The following USP34 variants were observed in gnomAD, a reference collection of about 807,000 sequenced individuals.
USP34 encodes ubiquitin specific peptidase 34.
USP34 carries 70 observed loss-of-function variants against 460.3 expected under a neutral mutation model. That is an observed-to-expected ratio of 0.15 (90% CI 0.13 to 0.19). The LOEUF is 0.19. Ranked by LOEUF, USP34 falls within the 10% of genes least tolerant of loss-of-function variation. The pLI, the probability that USP34 is intolerant of heterozygous loss-of-function variation, is 1.00. For synonymous variants in USP34, 1,647 were observed against 1,405.3 expected (o/e 1.17, Z -3.85); for missense variants, 3,985 against 4,236.2 (o/e 0.94, Z 1.65).
At position 61,301,335 on chromosome 2, in the gene USP34, C is replaced by A. The variant is rs184965843; in HGVS notation, c.3918+19G>T. On this transcript the variant is annotated intron_variant, in intron 28 of 79. Transcript: ENST00000398571. ...TATAAACAGATCATTAAAACTCAAA[C>A]CACGTTTTATATATGTACCTGCATA... 2.7e-3 allele frequency: 4,363 copies of A among 1,608,028 alleles called. 6 individuals are homozygous for A. The highest frequency in any genetic ancestry group is 3.4e-3 in the Non-Finnish European group (3,987 of 1,177,084).
intron 44 of USP34, among the ~76,000 whole-genome samples, chr2:61,259,441 G>A (rs1688812431): frequency 6.6e-6 from 1 of 151,592 alleles, no homozygotes; most frequent in Non-Finnish European, 1.5e-5. Flanking sequence ...AGACTCGAGT[G>A]CAGTAGTGAG....
intron 1 of USP34, among the ~76,000 whole-genome samples, chr2:61,452,382 T>C (rs1339754908): frequency 7.2e-6 from 1 of 139,080 alleles, no homozygotes; most frequent in African/African-American, 2.7e-5. Context: ...TAGAGTGTAG[T>C]GGCGCGATCT....
At chr2:61,328,607 G>A (rs1304825708) in intron 20 of USP34, among the ~76,000 whole-genome samples, 1 of 152,128 alleles carries the variant, frequency 6.6e-6, no homozygotes, top group South Asian at 2.1e-4. Flanking sequence ...AGCCAACAAG[G>A]CAGATTGAAA....
chr2:61,301,879 A>T (rs760924130), intron 27 of USP34, among the ~76,000 whole-genome samples: 50 of 152,102 alleles, frequency 3.3e-4, no homozygotes, highest in Non-Finnish European at 6.0e-4. Context: ...ACTCTCCTTT[A>T]TCTTTCTTTA....
chr2:61,409,641 G>T (rs964259308), intron 2 of USP34, among the ~76,000 whole-genome samples: 7 of 152,080 alleles, frequency 4.6e-5, no homozygotes, highest in Non-Finnish European at 7.4e-5. Context: ...TTGAACCCAG[G>T]AAGCAGAGGT....
chr2:61,285,969 G>A (rs1201851364), intron 34 of USP34, among the ~76,000 whole-genome samples: 1 of 152,178 alleles, frequency 6.6e-6, no homozygotes, highest in Non-Finnish European at 1.5e-5. Flanking sequence ...CTAAGGCACT[G>A]TTTCTGCACT....
intron 1 of USP34, among the ~76,000 whole-genome samples, chr2:61,451,901 C>T (rs1695288712): frequency 6.6e-6 from 1 of 151,826 alleles, no homozygotes; most frequent in Non-Finnish European, 1.5e-5. Context: ...GAAAGCCGGG[C>T]GCAGTGGCTC....
intron 35 of USP34, among the ~76,000 whole-genome samples, chr2:61,284,530 A>T (rs1230511595): frequency 6.6e-6 from 1 of 152,220 alleles, no homozygotes; most frequent in Non-Finnish European, 1.5e-5. Flanking sequence ...ATAACATATC[A>T]ATGTTAAATT....
intron 18 of USP34, among the ~76,000 whole-genome samples, chr2:61,337,384 C>T (rs1691454158): frequency 1.4e-5 from 2 of 142,642 alleles, no homozygotes. Context: ...GAATAGTCCA[C>T]AATTATCCTT....
intron 7 of USP34, among the ~76,000 whole-genome samples, chr2:61,379,192 G>A (rs942346051): frequency 2.6e-5 from 4 of 152,104 alleles, no homozygotes; most frequent in Non-Finnish European, 5.9e-5. Flanking sequence ...CACATTTTCA[G>A]TGTGACTACA....
At chr2:61,457,668 G>C (rs1159201653) in intron 1 of USP34, among the ~76,000 whole-genome samples, 3 of 152,144 alleles carry the variant, frequency 2.0e-5, no homozygotes, top group Admixed American at 2.0e-4. Context: ...TTCAAGAGCA[G>C]CTTGGGAAAT....
intron 10 of USP34, among the ~76,000 whole-genome samples, chr2:61,352,190 T>G (rs1691960896): frequency 6.6e-6 from 1 of 152,136 alleles, no homozygotes; most frequent in Admixed American, 6.5e-5. Context: ...CAGTTCAAAT[T>G]TTAGAGTTTT....
rs1181257248 is a variant in USP34, at chr2:61,464,651, A to T, written c.43+5999T>A. Among the ~76,000 whole-genome samples, 4 of 134,342 alleles carry T rather than the reference A, an allele frequency of 3.0e-5. No individual in the cohort carries two copies. In the East Asian group the frequency reaches 1.0e-3, roughly 34 times the overall value. The allele number at this position is 134,342 out of a possible 152,430, so 88.1% of individuals were successfully genotyped here. A position where few individuals can be genotyped will look rare whatever the true frequency, so the allele number is the denominator to read the frequency against. ...TCACGCCTGTAGTCCCAGGAGGCGG[A>T]GGTTGCAGTGAGCCCAAGATCGCAC... On this transcript the variant is annotated intron_variant, in intron 1 of 79. Coordinates refer to ENST00000398571, the MANE Select transcript of USP34 (RefSeq NM_014709.4).
At chr2:61,308,790 C>T (rs372499295) in intron 27 of USP34, among the ~76,000 whole-genome samples, 25 of 152,194 alleles carry the variant, frequency 1.6e-4, no homozygotes, top group South Asian at 4.2e-4. Context: ...TCTGTAATAC[C>T]AGCACTTTGG....
At chr2:61,337,899 T>C (rs888657936) in intron 18 of USP34, among the ~76,000 whole-genome samples, 2 of 152,230 alleles carry the variant, frequency 1.3e-5, no homozygotes, top group Admixed American at 6.5e-5. Context: ...GTACAAATTA[T>C]TGAACCACTT....
intron 57 of USP34, among the ~76,000 whole-genome samples, chr2:61,234,532 G>C (rs564236046): frequency 1.3e-5 from 2 of 152,316 alleles, no homozygotes; most frequent in South Asian, 4.1e-4. Context: ...GGAAGTGACA[G>C]ATGATGTTAA....
intron 1 of USP34, among the ~76,000 whole-genome samples, chr2:61,432,542 G>A (rs1399963191): frequency 6.6e-6 from 1 of 151,830 alleles, no homozygotes; most frequent in Non-Finnish European, 1.5e-5. Context: ...TATTCAGGAG[G>A]CTGAGGTGAG....
chr2:61,257,348 C>T lies in USP34; in HGVS notation c.5847G>A (p.Glu1949=), dbSNP rs747553128. ...ELQKMFTYLM[E]SECKAYNPRP... is the part of the protein sequence containing the mutation. ...TAGGATTATATGCTTTGCATTCACT[C>T]TCCTGCAAATAAAAAGGGGAACATT... Residue 1949 remains glutamate (E), a splice_region_variant and synonymous_variant, in exon 45 of 80, where the codon GAG becomes GAA. Transcript: ENST00000398571. 4 of 1,568,020 alleles carry T rather than the reference C, an allele frequency of 2.6e-6. No homozygotes were observed. The highest frequency in any genetic ancestry group is 2.6e-6 in the Non-Finnish European group (3 of 1,160,886).
chr2:61,193,631 CCT>C (rs1295983390), intron 75 of USP34, among the ~76,000 whole-genome samples: 1 of 152,178 alleles, frequency 6.6e-6, no homozygotes, highest in Admixed American at 6.5e-5. Context: ...GTGCCCCTAT[CCT>C]CTGTCATCCT....
Sources: gnomAD v4.1 joint callset for allele counts (sites outside exome capture counted in the v4.1 genomes callset) on GRCh38, gnomAD v4.1.1 for gene constraint, MANE v1.5 for transcripts, NCBI Gene and HGNC (gene_info 2026-07-23, HGNC 2026-07-21) for gene names.